The following ELMO1 variants were observed in gnomAD, a reference collection of about 807,000 sequenced individuals.
The protein encoded by ELMO1 is engulfment and cell motility protein 1.
ELMO1 carries 26 observed loss-of-function variants against 98.9 expected under a neutral mutation model. That is an observed-to-expected ratio of 0.26 (90% CI 0.19 to 0.36). The LOEUF (loss-of-function observed/expected upper bound fraction) is 0.36. Ranked by LOEUF, ELMO1 falls within the 10% of genes least tolerant of loss-of-function variation. ELMO1 has a pLI of 1.00. For missense variants in ELMO1, 627 were observed against 935.2 expected, an observed-to-expected ratio of 0.67 and a Z score of 4.30; for synonymous variants, 346 against 346.0, an observed-to-expected ratio of 1.00 and a Z score of 0.00.
chr7:37,091,630 G>A (rs1327366097), intron 15 of ELMO1, among the ~76,000 whole-genome samples: 1 of 151,930 alleles, frequency 6.6e-6, no homozygotes, highest in African/African-American at 2.4e-5. Context: ...CAGTGTGCAG[G>A]GAATATAACT....
Position 37,291,071 on chromosome 7 carries a change from C to A in ELMO1, c.193-19189G>T, listed in dbSNP as rs935352380. Among the ~76,000 whole-genome samples, 6 of 152,090 alleles carry A rather than the reference C, an allele frequency of 3.9e-5. No homozygotes were observed. In the East Asian group the frequency reaches 1.2e-3, roughly 29 times the overall value. ...ACAGAAACCCCTATATTCACAAAAC[C>A]TTGACATATGAAAGAAGTGACAATG... On this transcript the variant is annotated intron_variant, in intron 4 of 21. Transcript: ENST00000310758.
rs145448544 is a variant in ELMO1, at chr7:37,190,529, ACT to A, written c.1086+20855_1086+20856del. ...TTTATTTATTTAGAGACAAAGTCTCACTCTGTCACCCAGGCTAGAGTGCCATA... is the reference window on the plus strand; with the variant it reads ...TTTATTTATTTAGAGACAAAGTCTCACTGTCACCCAGGCTAGAGTGCCATA... On this transcript the variant is annotated intron_variant, in intron 13 of 21. Coordinates refer to ENST00000310758, the MANE Select transcript of ELMO1 (RefSeq NM_014800.11). 7.3e-3 allele frequency among the ~76,000 whole-genome samples: 1,113 copies of A among 152,244 alleles called. 14 individuals are homozygous for A. Among genetic ancestry groups the A allele is most frequent in the African/African-American group, 0.026 (1,081 of 41,546 alleles).
intron 16 of ELMO1, among the ~76,000 whole-genome samples, chr7:36,962,956 G>T (rs1789087915): frequency 6.6e-6 from 1 of 152,180 alleles, no homozygotes; most frequent in South Asian, 2.1e-4. Context: ...AGTGAGAAAA[G>T]ATGTATTTTA....
At chr7:37,073,877 C>T (rs544311928) in intron 15 of ELMO1, among the ~76,000 whole-genome samples, 2 of 151,528 alleles carry the variant, frequency 1.3e-5, no homozygotes, top group East Asian at 1.9e-4. Flanking sequence ...CCACTCTGCA[C>T]CTGACCACTA....
intron 15 of ELMO1, among the ~76,000 whole-genome samples, chr7:37,055,968 T>A (rs6945286): frequency 0.11 from 16,646 of 152,204 alleles, 1,025 homozygotes; most frequent in Middle Eastern, 0.22. Context: ...TTAACTTTAA[T>A]TAGGAACCAA....
chr7:37,421,788 T>C (rs1176368720), intron 1 of ELMO1, among the ~76,000 whole-genome samples: 1 of 152,174 alleles, frequency 6.6e-6, no homozygotes, highest in Admixed American at 6.5e-5. Context: ...CAGCCATGCA[T>C]TATAGACTTC....
At chr7:37,085,072 T>G (rs1008502565) in intron 15 of ELMO1, among the ~76,000 whole-genome samples, 4 of 152,010 alleles carry the variant, frequency 2.6e-5, no homozygotes, top group South Asian at 2.1e-4. Flanking sequence ...CAGCAAGTGG[T>G]TTTTGATTGA....
chr7:37,183,810 G>A (rs1170246589), intron 13 of ELMO1, among the ~76,000 whole-genome samples: 13 of 151,972 alleles, frequency 8.6e-5, no homozygotes, highest in African/African-American at 2.7e-4. Context: ...ACTGGTAAAC[G>A]TATAATAAAA....
chr7:37,320,699 C>T (rs1368723270), intron 2 of ELMO1, among the ~76,000 whole-genome samples: 1 of 152,172 alleles, frequency 6.6e-6, no homozygotes, highest in African/African-American at 2.4e-5. Flanking sequence ...TTTCTGTAGC[C>T]TTCCCCACCC....
intron 11 of ELMO1, among the ~76,000 whole-genome samples, chr7:37,214,997 T>C (rs577041629): frequency 1.3e-5 from 2 of 152,332 alleles, no homozygotes; most frequent in African/African-American, 4.8e-5. Flanking sequence ...TTGATGCTGC[T>C]GCTTCTACAT....
intron 15 of ELMO1, among the ~76,000 whole-genome samples, chr7:37,085,701 T>C (rs1783729541): frequency 6.6e-6 from 1 of 152,210 alleles, no homozygotes; most frequent in African/African-American, 2.4e-5. Context: ...CTGGCATCTC[T>C]GGAACTAGGG....
intron 13 of ELMO1, 66 bp from the exon 14 acceptor site, chr7:37,133,300 T>C (rs2129299947): frequency 7.9e-7 from 1 of 1,261,358 alleles, no homozygotes. Context: ...ACCAGAGATC[T>C]GATTTCCCTC....
chr7:36,938,338 C>T (rs1786727306), intron 16 of ELMO1, among the ~76,000 whole-genome samples: 2 of 152,210 alleles, frequency 1.3e-5, no homozygotes, highest in Non-Finnish European at 2.9e-5. Flanking sequence ...CAAGCCAAAC[C>T]TGCTGTTGAA....
intron 1 of ELMO1, among the ~76,000 whole-genome samples, chr7:37,404,927 T>C (rs1451043541): frequency 6.6e-6 from 1 of 152,192 alleles, no homozygotes; most frequent in East Asian, 1.9e-4. Context: ...CCATTTTTAA[T>C]TTTTTTCTGA....
intron 13 of ELMO1, among the ~76,000 whole-genome samples, chr7:37,182,172 G>A (rs1422531848): frequency 6.6e-6 from 1 of 152,200 alleles, no homozygotes; most frequent in Non-Finnish European, 1.5e-5. Flanking sequence ...GGAAGGTGCT[G>A]CCCCCTGGTG....
chr7:37,227,704 A>T (rs1488373809), intron 8 of ELMO1, among the ~76,000 whole-genome samples: 1 of 152,154 alleles, frequency 6.6e-6, no homozygotes, highest in East Asian at 1.9e-4. Context: ...GTGTTTTCTG[A>T]TATGAAGTAT....
At chr7:37,333,125 G>A (rs1800222755) in intron 2 of ELMO1, among the ~76,000 whole-genome samples, 1 of 152,188 alleles carries the variant, frequency 6.6e-6, no homozygotes, top group South Asian at 2.1e-4. Flanking sequence ...TATTTTATTT[G>A]CTAGAGGCTG....
chr7:37,186,614 A>G (rs570948179), intron 13 of ELMO1, among the ~76,000 whole-genome samples: 1 of 152,354 alleles, frequency 6.6e-6, no homozygotes, highest in Non-Finnish European at 1.5e-5. Flanking sequence ...TCAATGATTA[A>G]AAGATGAACA....
intron 15 of ELMO1, among the ~76,000 whole-genome samples, chr7:37,069,840 A>G (rs1433390245): frequency 6.6e-6 from 1 of 152,212 alleles, no homozygotes; most frequent in Non-Finnish European, 1.5e-5. Flanking sequence ...TCTTACCAGC[A>G]TAAGTTGAAA....
Sources: allele counts gnomAD v4.1 joint callset (sites outside exome capture counted in the v4.1 genomes callset), GRCh38; gene constraint gnomAD v4.1.1; transcripts MANE v1.5; gene names NCBI Gene and HGNC (gene_info 2026-07-23, HGNC 2026-07-21).